The following GRM7 variants were observed in gnomAD, a reference collection of about 807,000 sequenced individuals.
The protein encoded by GRM7 is metabotropic glutamate receptor 7.
In GRM7, 35 loss-of-function variants were observed where a neutral mutation model predicts 84.5. That is an observed-to-expected ratio of 0.41 (90% CI 0.32 to 0.55). GRM7 has a LOEUF of 0.55. GRM7 is among the 20% of genes least tolerant of loss of function. The pLI is 0.19. For missense variants in GRM7, 1,003 were observed against 1,194.6 expected, an observed-to-expected ratio of 0.84 and a Z score of 2.36; for synonymous variants, 487 against 455.1, an observed-to-expected ratio of 1.07 and a Z score of -0.89.
chr3:7,226,755 C>G (rs535857746), intron 2 of GRM7, among the ~76,000 whole-genome samples: 17 of 152,192 alleles, frequency 1.1e-4, no homozygotes, highest in African/African-American at 3.6e-4. Flanking sequence ...AGTTGCTTTC[C>G]CCATTTATCT....
intron 4 of GRM7, among the ~76,000 whole-genome samples, chr3:7,356,311 A>G: frequency 6.7e-6 from 1 of 149,426 alleles, no homozygotes; most frequent in East Asian, 2.0e-4. Flanking sequence ...TTTTTTTTTT[A>G]TTTTTTTTGA....
Position 7,390,642 on chromosome 3 carries a change from C to G in GRM7, c.1034-24381C>G, listed in dbSNP as rs1421730804. Among the ~76,000 whole-genome samples, 6 of 152,050 alleles carry G rather than the reference C, an allele frequency of 3.9e-5. No homozygotes were observed. In the East Asian group the frequency reaches 1.2e-3, roughly 29 times the overall value. The stretch of plus-strand genomic sequence containing the variant: ...AATTATTTCTTCTGTTTCACTTAGT[C>G]TGTTAAGGCGTCCAATTGTATTTTT... On this transcript the variant is annotated intron_variant, in intron 4 of 9. Transcript: ENST00000357716.
chr3:7,685,543 T>C (rs1700547690), intron 9 of GRM7, among the ~76,000 whole-genome samples: 1 of 152,072 alleles, frequency 6.6e-6, no homozygotes, highest in Non-Finnish European at 1.5e-5. Flanking sequence ...AGACTGGACA[T>C]AGACTACCTA....
chr3:7,218,474 C>A (rs1337916860), intron 2 of GRM7, among the ~76,000 whole-genome samples: 1 of 151,738 alleles, frequency 6.6e-6, no homozygotes, highest in Non-Finnish European at 1.5e-5. Context: ...CTTTGCCTGT[C>A]TGATATGTAA....
chr3:7,626,572 G>A (rs1239920685), intron 8 of GRM7, among the ~76,000 whole-genome samples: 1 of 152,172 alleles, frequency 6.6e-6, no homozygotes, highest in African/African-American at 2.4e-5. Flanking sequence ...CCATGCCTCT[G>A]CCAAGCTGCA....
chr3:7,303,299 A>G (rs1029720113), intron 3 of GRM7, among the ~76,000 whole-genome samples: 14 of 152,150 alleles, frequency 9.2e-5, no homozygotes, highest in Non-Finnish European at 1.3e-4. Flanking sequence ...TGACTAAAGT[A>G]CTTTTGATGC....
intron 1 of GRM7, among the ~76,000 whole-genome samples, chr3:6,982,143 T>C (rs1694232008): frequency 6.6e-6 from 1 of 152,188 alleles, no homozygotes; most frequent in Non-Finnish European, 1.5e-5. Context: ...ATGTGCTTTG[T>C]GGCAACATAG....
chr3:6,935,362 T>TG (rs1398843837), intron 1 of GRM7, among the ~76,000 whole-genome samples: 33 of 151,868 alleles, frequency 2.2e-4, no homozygotes, highest in South Asian at 4.2e-4. Context: ...TTTTTTTTTT[T>TG]GAAAAGGAAG....
chr3:7,162,155 G>A (rs1257024989), intron 2 of GRM7, among the ~76,000 whole-genome samples: 1 of 152,176 alleles, frequency 6.6e-6, no homozygotes. Context: ...TCCAAGTGAA[G>A]CAGTTGAACA....
intron 1 of GRM7, among the ~76,000 whole-genome samples, chr3:7,057,857 C>G (rs1446085538): frequency 6.6e-6 from 1 of 151,810 alleles, no homozygotes; most frequent in East Asian, 1.9e-4. Flanking sequence ...TTGCAAATTA[C>G]AAATCTACGT....
At chr3:7,130,764 T>C (rs1287167920) in intron 1 of GRM7, among the ~76,000 whole-genome samples, 1 of 152,124 alleles carries the variant, frequency 6.6e-6, no homozygotes, top group Non-Finnish European at 1.5e-5. Context: ...GAAGATGATA[T>C]GGTGGCAGGT....
At chr3:7,382,596 G>C (rs1484706107) in intron 4 of GRM7, among the ~76,000 whole-genome samples, 1 of 152,116 alleles carries the variant, frequency 6.6e-6, no homozygotes, top group Non-Finnish European at 1.5e-5. Flanking sequence ...ATAATAACTG[G>C]AACACTGAAG....
intron 1 of GRM7, among the ~76,000 whole-genome samples, chr3:7,004,480 C>T (rs920057348): frequency 1.3e-5 from 2 of 152,106 alleles, no homozygotes; most frequent in Non-Finnish European, 2.9e-5. Context: ...GAAACTTGAA[C>T]TTCCCATTGA....
intron 5 of GRM7, among the ~76,000 whole-genome samples, chr3:7,441,754 T>C (rs1323215389): frequency 6.6e-6 from 1 of 152,176 alleles, no homozygotes; most frequent in Non-Finnish European, 1.5e-5. Context: ...CCATTGGTCA[T>C]TTTTGTCACC....
At chr3:7,176,333 C>A (rs35094837) in intron 2 of GRM7, among the ~76,000 whole-genome samples, 1 of 149,578 alleles carries the variant, frequency 6.7e-6, no homozygotes. Context: ...ATTGATTGAG[C>A]CTGCCAGGAG....
intron 1 of GRM7, among the ~76,000 whole-genome samples, chr3:7,101,928 C>T (rs916697131): frequency 6.6e-6 from 1 of 150,992 alleles, no homozygotes; most frequent in South Asian, 2.1e-4. Context: ...TGGCATTGTA[C>T]TACTTCACTT....
chr3:7,361,868 A>C (rs1166921904), intron 4 of GRM7, among the ~76,000 whole-genome samples: 1 of 152,110 alleles, frequency 6.6e-6, no homozygotes, highest in Non-Finnish European at 1.5e-5. Context: ...AAAGAGTTAG[A>C]TAGCTATTAC....
intron 4 of GRM7, among the ~76,000 whole-genome samples, chr3:7,383,939 A>G (rs1261849086): frequency 3.3e-5 from 5 of 152,226 alleles, no homozygotes; most frequent in African/African-American, 4.8e-5. Context: ...CTCACTAGGT[A>G]GAAACAAGCC....
At chr3:7,612,029 C>T (rs1696872818) in intron 8 of GRM7, among the ~76,000 whole-genome samples, 1 of 152,132 alleles carries the variant, frequency 6.6e-6, no homozygotes, top group Non-Finnish European at 1.5e-5. Flanking sequence ...TTTAACCTCT[C>T]AGATTTCTCC....
Sources: gnomAD v4.1 joint callset for allele counts (sites outside exome capture counted in the v4.1 genomes callset) on GRCh38, gnomAD v4.1.1 for gene constraint, MANE v1.5 for transcripts, NCBI Gene and HGNC (gene_info 2026-07-23, HGNC 2026-07-21) for gene names.